The following MACROD2 variants were observed in gnomAD, a reference collection of about 807,000 sequenced individuals.
MACROD2 encodes ADP-ribose glycohydrolase MACROD2.
Under a neutral mutation model 70.4 loss-of-function variants are expected in MACROD2, and 36 were observed. The observed-to-expected ratio is 0.51, with a 90% CI of 0.39 to 0.68. MACROD2 has a LOEUF of 0.68. Among genes scored for constraint, MACROD2 ranks in the 30% least tolerant of loss-of-function variants. MACROD2 has a pLI of 0.00. For synonymous variants in MACROD2, 172 were observed against 178.8 expected, an observed-to-expected ratio of 0.96 and a Z score of 0.30; for missense variants, 496 against 538.4, an observed-to-expected ratio of 0.92 and a Z score of 0.78.
At chr20:14,827,409 G>T (rs2072914010) in intron 5 of MACROD2, among the ~76,000 whole-genome samples, 1 of 152,094 alleles carries the variant, frequency 6.6e-6, no homozygotes, top group Non-Finnish European at 1.5e-5. Context: ...CAGCTTGAGT[G>T]AAAAGTATAT....
chr20:15,927,930 G>A (rs746413449), intron 10 of MACROD2, among the ~76,000 whole-genome samples: 80 of 152,278 alleles, frequency 5.3e-4, no homozygotes, highest in Non-Finnish European at 8.8e-4. Context: ...GGGTCACAGG[G>A]TTTGGACAGA....
At chr20:14,495,310 A>G (rs544724004) in intron 4 of MACROD2, among the ~76,000 whole-genome samples, 34 of 152,272 alleles carry the variant, frequency 2.2e-4, no homozygotes, top group African/African-American at 7.9e-4. Flanking sequence ...CTCAGGGTAC[A>G]GGATGGCTGC....
At chr20:15,046,896 T>C (rs951692798) in intron 5 of MACROD2, among the ~76,000 whole-genome samples, 4 of 152,238 alleles carry the variant, frequency 2.6e-5, no homozygotes, top group African/African-American at 4.8e-5. Context: ...TCTGGGCTGT[T>C]GGTCCTGTTC....
At chr20:14,214,589 T>C (rs2081599061) in intron 3 of MACROD2, among the ~76,000 whole-genome samples, 1 of 142,506 alleles carries the variant, frequency 7.0e-6, no homozygotes, top group Non-Finnish European at 1.5e-5. Flanking sequence ...CAATGTTCTT[T>C]TTTTTTTTTT....
intron 9 of MACROD2, among the ~76,000 whole-genome samples, chr20:15,872,032 G>C (rs992817984): frequency 5.3e-5 from 8 of 152,132 alleles, no homozygotes; most frequent in African/African-American, 1.9e-4. Flanking sequence ...ACATAGTTGG[G>C]TATGTCTGAG....
At chr20:14,323,043 G>A (rs1197556665) in intron 3 of MACROD2, 2 of 152,148 alleles carry the variant, frequency 1.3e-5, no homozygotes, top group African/African-American at 4.8e-5. Context: ...TAGAAGACTT[G>A]TCTTAACAAG....
At chr20:14,619,219 C>A (rs1983658439) in intron 4 of MACROD2, among the ~76,000 whole-genome samples, 1 of 151,652 alleles carries the variant, frequency 6.6e-6, no homozygotes, top group African/African-American at 2.4e-5. Flanking sequence ...AAATTTTTAT[C>A]CATGAACTCT....
intron 5 of MACROD2, among the ~76,000 whole-genome samples, chr20:14,695,207 G>A (rs1235297359): frequency 6.6e-6 from 1 of 152,148 alleles, no homozygotes; most frequent in African/African-American, 2.4e-5. Context: ...CATTCTGAAG[G>A]TTCCAGGAGC....
chr20:14,941,194 C>T (rs1047900268), intron 5 of MACROD2, among the ~76,000 whole-genome samples: 1 of 151,996 alleles, frequency 6.6e-6, no homozygotes. Context: ...TGTAGTAATC[C>T]ATAATAATTC....
chr20:15,986,908 A>G (rs2066492153), intron 14 of MACROD2, 107 bp downstream of exon 14: 2 of 1,030,238 alleles, frequency 1.9e-6, no homozygotes, highest in Non-Finnish European at 3.0e-6. Flanking sequence ...GTTTTAGGCA[A>G]TGATTACTGG....
At chr20:14,137,202 A>T (rs1173177960) in intron 3 of MACROD2, among the ~76,000 whole-genome samples, 1 of 151,898 alleles carries the variant, frequency 6.6e-6, no homozygotes, top group East Asian at 1.9e-4. Context: ...ACCTCCAGCC[A>T]TACTGATAAC....
intron 2 of MACROD2, among the ~76,000 whole-genome samples, chr20:14,039,962 C>T (rs1289255705): frequency 6.6e-6 from 1 of 152,040 alleles, no homozygotes; most frequent in Non-Finnish European, 1.5e-5. Flanking sequence ...TAAATGTCTT[C>T]TTTAGAGTAT....
At chr20:14,141,920 A>T (rs546944879) in intron 3 of MACROD2, among the ~76,000 whole-genome samples, 1 of 152,120 alleles carries the variant, frequency 6.6e-6, no homozygotes, top group Non-Finnish European at 1.5e-5. Context: ...AATACATACG[A>T]TGTTTTCTGT....
chr20:14,697,722 G>T (rs977151232), intron 5 of MACROD2, among the ~76,000 whole-genome samples: 3 of 151,906 alleles, frequency 2.0e-5, no homozygotes, highest in Non-Finnish European at 4.4e-5. Context: ...TCTATTTATT[G>T]TTCATCATGG....
chr20:14,449,716 A>T (rs752598008), intron 3 of MACROD2, among the ~76,000 whole-genome samples: 1 of 152,182 alleles, frequency 6.6e-6, no homozygotes, highest in Non-Finnish European at 1.5e-5. Flanking sequence ...CCCTTGGGAT[A>T]GTTTTCATAT....
intron 4 of MACROD2, among the ~76,000 whole-genome samples, chr20:14,581,208 C>T (rs1036420362): frequency 1.4e-4 from 22 of 152,134 alleles, no homozygotes; most frequent in Admixed American, 4.6e-4. Context: ...TTGGTTTTTT[C>T]ACTTGTGCTT....
At chr20:14,806,549 C>A (rs1349914788) in intron 5 of MACROD2, among the ~76,000 whole-genome samples, 1 of 152,024 alleles carries the variant, frequency 6.6e-6, no homozygotes, top group Non-Finnish European at 1.5e-5. Context: ...CAGGAATTTT[C>A]TTTTTGTACC....
intron 5 of MACROD2, among the ~76,000 whole-genome samples, chr20:15,023,823 C>A (rs1466428407): frequency 6.6e-6 from 1 of 152,062 alleles, no homozygotes; most frequent in Non-Finnish European, 1.5e-5. Context: ...GGGAACACAG[C>A]CAAACCGTAT....
At chr20:15,159,222 G>T (rs1238274452) in intron 5 of MACROD2, among the ~76,000 whole-genome samples, 9 of 151,918 alleles carry the variant, frequency 5.9e-5, no homozygotes, top group African/African-American at 1.7e-4. Context: ...AAGCCACTGG[G>T]GGAAAAATGT....
Sources: allele counts gnomAD v4.1 joint callset (sites outside exome capture counted in the v4.1 genomes callset), GRCh38; gene constraint gnomAD v4.1.1; transcripts MANE v1.5; gene names NCBI Gene and HGNC (gene_info 2026-07-23, HGNC 2026-07-21).